The following SLC35F1 variants were observed in gnomAD, a reference collection of about 807,000 sequenced individuals.
The protein encoded by SLC35F1 is solute carrier family 35 member F1, also known as chromosome 6 open reading frame 169.
A neutral mutation model predicts 48.7 loss-of-function variants in SLC35F1; 14 were observed. The observed-to-expected ratio is 0.29, with a 90% CI of 0.19 to 0.45. The LOEUF (loss-of-function observed/expected upper bound fraction) is 0.45. Among genes scored for constraint, SLC35F1 ranks in the 20% least tolerant of loss-of-function variants. The pLI is 1.00. For missense variants in SLC35F1, 404 were observed against 500.0 expected (o/e 0.81, Z 1.83); for synonymous variants, 190 against 202.2 (o/e 0.94, Z 0.51).
chr6:118,135,884 TCCATCAGGTCC>T lies in SLC35F1; in HGVS notation c.174-18558_174-18548del, dbSNP rs139255799. ...TTACATAGTTGGAGGGCTGGTGTCT[TCCATCAGGTCC>T]CCCTCATAGGCCCAGCAGCCTGGTA... On this transcript the variant is annotated intron_variant, in intron 1 of 7. Coordinates refer to ENST00000360388, the MANE Select transcript of SLC35F1 (RefSeq NM_001029858.4). Among the ~76,000 whole-genome samples the T allele has an allele frequency of 8.7e-3, 1,327 of 152,298 alleles. 18 individuals carry two copies. Among genetic ancestry groups the T allele is most frequent in the African/African-American group, 0.03 (1,256 of 41,560 alleles).
rs965043526 is a variant in SLC35F1 at position 118,050,365 on chromosome 6, T to C, written c.174-104080T>C. Among the ~76,000 whole-genome samples the C allele has an allele frequency of 8.8e-5, 11 of 125,326 alleles. 1 individual carries two copies. The highest frequency in any genetic ancestry group is 8.2e-4 in the Admixed American group (10 of 12,156). The allele number at this position is 125,326 out of a possible 152,430, so 82.2% of individuals were successfully genotyped here. A position where few individuals can be genotyped will look rare whatever the true frequency, so the allele number is the denominator to read the frequency against. On this transcript the variant is annotated intron_variant, in intron 1 of 7. Coordinates refer to ENST00000360388, the MANE Select transcript of SLC35F1 (RefSeq NM_001029858.4). ...ATGTACCCTAAAACTTAAAGTATAA[T>C]AATAATAAAATTTCAAAAAAAAAAA...
intron 1 of SLC35F1, among the ~76,000 whole-genome samples, chr6:117,986,600 C>T (rs1856474): frequency 0.38 from 57,489 of 152,008 alleles, 11,328 homozygotes; most frequent in South Asian, 0.52. Flanking sequence ...ACCTCTTCCC[C>T]TGGGCATCTG....
chr6:118,182,892 A>G (rs1012463283), intron 2 of SLC35F1, among the ~76,000 whole-genome samples: 5 of 152,186 alleles, frequency 3.3e-5, no homozygotes, highest in African/African-American at 1.2e-4. Flanking sequence ...TAACACCTTG[A>G]TGGTATGTTT....
intron 1 of SLC35F1, among the ~76,000 whole-genome samples, chr6:118,053,078 TGAA>T (rs1209859821): frequency 7.9e-5 from 12 of 151,344 alleles, no homozygotes. Flanking sequence ...AGCCTCATTT[TGAA>T]AAAAAAAAAT....
In SLC35F1 at chr6:118,255,200, C is replaced by T. The variant is rs566804948; in HGVS notation, c.478-11795C>T. 8.5e-5 allele frequency among the ~76,000 whole-genome samples: 13 copies of T among 152,328 alleles called. No individual in the cohort carries two copies. In the South Asian group the frequency reaches 2.7e-3, roughly 32 times the overall value. On this transcript the variant is annotated intron_variant, in intron 3 of 7. Transcript: ENST00000360388. ...AAGGAGAATAGCAGGCCTGTGATCA[C>T]ATCCTGGCTCTGACATTGCCAGGTG...
intron 2 of SLC35F1, among the ~76,000 whole-genome samples, chr6:118,202,068 A>G (rs1214777042): frequency 6.6e-6 from 1 of 152,172 alleles, no homozygotes; most frequent in East Asian, 1.9e-4. Flanking sequence ...ATGAATATTC[A>G]TGTTCAAGTT....
intron 3 of SLC35F1, among the ~76,000 whole-genome samples, chr6:118,247,566 C>T (rs1234462842): frequency 6.6e-6 from 1 of 152,176 alleles, no homozygotes; most frequent in Non-Finnish European, 1.5e-5. Flanking sequence ...CTGGGAAATA[C>T]ACTAGGCAAT....
intron 1 of SLC35F1, among the ~76,000 whole-genome samples, chr6:118,035,682 A>ATTTTTTTTT (rs745704672): frequency 5.7e-5 from 5 of 87,328 alleles, no homozygotes; most frequent in Admixed American, 1.6e-4. Context: ...GGCTTTGTTA[A>ATTTTTTTTT]TTTTTTTTTT....
intron 1 of SLC35F1, among the ~76,000 whole-genome samples, chr6:118,015,340 T>C (rs943373739): frequency 2.0e-5 from 3 of 152,146 alleles, no homozygotes; most frequent in Non-Finnish European, 4.4e-5. Context: ...AGGTTTGTTA[T>C]ATAGGTAAAC....
chr6:118,094,703 C>T (rs1214767061), intron 1 of SLC35F1, among the ~76,000 whole-genome samples: 1 of 152,084 alleles, frequency 6.6e-6, no homozygotes, highest in Non-Finnish European at 1.5e-5. Flanking sequence ...TGTGGTGGCT[C>T]ATGTCTGTAA....
intron 2 of SLC35F1, among the ~76,000 whole-genome samples, chr6:118,158,967 TCCCA>T (rs1044275117): frequency 6.6e-6 from 1 of 152,118 alleles, no homozygotes; most frequent in Non-Finnish European, 1.5e-5. Context: ...ATGCCTGTAA[TCCCA>T]GCACTTTGGG....
At chr6:117,911,054 C>G (rs1775755079) in intron 1 of SLC35F1, among the ~76,000 whole-genome samples, 1 of 152,170 alleles carries the variant, frequency 6.6e-6, no homozygotes, top group Admixed American at 6.5e-5. Flanking sequence ...ACTCTAAAGG[C>G]TTGTCGAGTT....
chr6:117,959,746 A>C (rs556144421), intron 1 of SLC35F1, among the ~76,000 whole-genome samples: 3 of 152,158 alleles, frequency 2.0e-5, no homozygotes, highest in Admixed American at 2.0e-4. Context: ...AGAAGTTTCG[A>C]CGTATAATAC....
At chr6:117,919,481 C>T (rs1775868847) in intron 1 of SLC35F1, among the ~76,000 whole-genome samples, 1 of 152,076 alleles carries the variant, frequency 6.6e-6, no homozygotes. Context: ...CCTGGGTTTT[C>T]GTGGCTTTGC....
intron 2 of SLC35F1, among the ~76,000 whole-genome samples, chr6:118,221,218 A>C (rs771202903): frequency 1.1e-4 from 17 of 152,156 alleles, no homozygotes; most frequent in South Asian, 2.1e-4. Context: ...CTACCCCAAC[A>C]AAAGGTCCTC....
rs955828702 is a variant in SLC35F1 at position 118,232,377 on chromosome 6, C to T, written c.350-3132C>T. On this transcript the variant is annotated intron_variant, in intron 2 of 7. Coordinates refer to ENST00000360388, the MANE Select transcript of SLC35F1 (RefSeq NM_001029858.4). ...CCAGCCTGACCACATGTAGAAACCC[C>T]GTCTGTACTAAAAATACAAAATTAG... Among the ~76,000 whole-genome samples, 8 of 151,824 alleles carry T rather than the reference C, an allele frequency of 5.3e-5. 1 individual carries two copies. Among genetic ancestry groups the T allele is most frequent in the South Asian group, 4.2e-4 (2 of 4,814 alleles).
chr6:118,293,038 G>A (rs976301222), intron 7 of SLC35F1, among the ~76,000 whole-genome samples: 5 of 152,214 alleles, frequency 3.3e-5, no homozygotes, highest in African/African-American at 1.2e-4. Context: ...AGCCCAGGAA[G>A]AGACTGACAT....
intron 1 of SLC35F1, among the ~76,000 whole-genome samples, chr6:118,022,920 C>CT (rs1026525945): frequency 4.0e-5 from 6 of 151,572 alleles, no homozygotes; most frequent in Non-Finnish European, 7.4e-5. Context: ...CGGGCTAATT[C>CT]TTTTTTTTCT....
At chr6:118,156,885 A>G (rs891577568) in intron 2 of SLC35F1, among the ~76,000 whole-genome samples, 1 of 152,104 alleles carries the variant, frequency 6.6e-6, no homozygotes. Flanking sequence ...AATCAGGAAA[A>G]AAAAAGTTAA....
Sources: gnomAD v4.1 joint callset for allele counts (sites outside exome capture counted in the v4.1 genomes callset) on GRCh38, gnomAD v4.1.1 for gene constraint, MANE v1.5 for transcripts, NCBI Gene and HGNC (gene_info 2026-07-23, HGNC 2026-07-21) for gene names.